Variants in ABCA8 observed in about 807,000 individuals in gnomAD.
ABCA8 encodes the protein ATP binding cassette subfamily A member 8, also known as ABC-type organic anion transporter ABCA8.
A neutral mutation model predicts 192.3 loss-of-function variants in ABCA8; 177 were observed. That is an observed-to-expected ratio of 0.92 (90% confidence interval 0.81 to 1.04). ABCA8 has a LOEUF of 1.04. ABCA8 is among the 50% of genes least tolerant of loss of function. The pLI is 0.00. For synonymous variants in ABCA8, 642 were observed against 690.2 expected, an observed-to-expected ratio of 0.93 and a Z score of 1.09; for missense variants, 1,915 against 1,904.8, an observed-to-expected ratio of 1.01 and a Z score of -0.10.
In ABCA8 at chr17:68,875,724, G is replaced by T. The variant is rs1265368520; in HGVS notation, c.4380C>A (p.Ile1460=). Residue 1460 remains isoleucine (I), a synonymous_variant, in exon 36 of 40, where the codon ATC becomes ATA. Coordinates refer to ENST00000586539, the MANE Select transcript of ABCA8 (RefSeq NM_001288985.2). ...TTTCCGTGTTTCTAAAGGTGGCCCG[G>T]ATGGCCTGCCTATAATGTCAAGAGA... ...PEGQQQMWQA[I]RATFRNTERG... 1.2e-6 allele frequency: 2 copies of T among 1,613,434 alleles called. No homozygotes were observed. Among genetic ancestry groups the T allele is most frequent in the Non-Finnish European group, 1.7e-6 (2 of 1,179,788 alleles).
At chr17:68,953,388 C>T (rs772130532) in intron 1 of ABCA8, among the ~76,000 whole-genome samples, 10 of 152,242 alleles carry the variant, frequency 6.6e-5, no homozygotes, top group Admixed American at 2.6e-4. Flanking sequence ...TGAGCCCCAA[C>T]TGAAGCCATC....
chr17:68,920,176 C>A (rs1253618275), intron 13 of ABCA8, among the ~76,000 whole-genome samples: 3 of 152,068 alleles, frequency 2.0e-5, no homozygotes, highest in Admixed American at 2.0e-4. Flanking sequence ...CATATGTTCT[C>A]ACTTATAAGA....
Position 68,954,359 on chromosome 17 carries a change from T to C in ABCA8, c.-167+860A>G, listed in dbSNP as rs568371904. Among the ~76,000 whole-genome samples the C allele has an allele frequency of 2.6e-5, 4 of 152,206 alleles. No individual in the cohort carries two copies. In the East Asian group the frequency reaches 7.7e-4, roughly 29 times the overall value. ...CTATGGAATCAGCTACAGTCTTAGG[T>C]AGCATGCAAACTCCAGTCTGACTCC... On this transcript the variant is annotated intron_variant, in intron 1 of 39. Transcript: ENST00000586539.
At position 68,885,311 on chromosome 17, in the gene ABCA8, G is replaced by A; in HGVS notation, c.3434C>T (p.Thr1145Ile). The A allele has an allele frequency of 6.2e-7, 1 of 1,609,738 alleles. No individual in the cohort carries two copies. The highest frequency in any genetic ancestry group is 8.5e-7 in the Non-Finnish European group (1 of 1,178,542). Reference protein sequence around the residue: ...GIWSFCFYVVTVFSVAGFAFS... With the variant: ...GIWSFCFYVVIVFSVAGFAFS... Reference sequence around the variant, plus strand: ...CGCAAATCCAGCCACAGAGAATACAGTGACCTAAAAGAAGCAAATATGAAG... The same window carrying A: ...CGCAAATCCAGCCACAGAGAATACAATGACCTAAAAGAAGCAAATATGAAG... Residue 1145 changes from threonine (T) to isoleucine (I), a missense_variant, in exon 27 of 40, where the codon ACT becomes ATT. Physicochemically the swap from Thr to Ile is moderately conservative, Grantham distance 89. Transcript: ENST00000586539.
At chr17:68,874,935 T>A (rs917401057) in intron 37 of ABCA8, among the ~76,000 whole-genome samples, 6 of 152,200 alleles carry the variant, frequency 3.9e-5, no homozygotes, top group South Asian at 2.1e-4. Flanking sequence ...AAGATAATAA[T>A]CAATTTCATT....
intron 26 of ABCA8, among the ~76,000 whole-genome samples, chr17:68,885,556 T>C (rs1431461617): frequency 2.7e-5 from 4 of 147,272 alleles, no homozygotes; most frequent in Non-Finnish European, 4.5e-5. Context: ...TTTTCTCTCT[T>C]TTTTTTTTTG....
chr17:68,930,373 G>T (rs1019587272), intron 7 of ABCA8, among the ~76,000 whole-genome samples: 1 of 152,062 alleles, frequency 6.6e-6, no homozygotes. Flanking sequence ...CTTTAGTTCC[G>T]TTCATTGTTT....
intron 17 of ABCA8, among the ~76,000 whole-genome samples, chr17:68,916,516 T>C (rs1041851235): frequency 2.0e-5 from 3 of 152,206 alleles, no homozygotes; most frequent in Non-Finnish European, 4.4e-5. Flanking sequence ...ACCTACTATA[T>C]ACCCTTTAAA....
chr17:68,946,581 G>T (rs571107804), intron 2 of ABCA8, among the ~76,000 whole-genome samples: 1 of 152,250 alleles, frequency 6.6e-6, no homozygotes, highest in African/African-American at 2.4e-5. Flanking sequence ...AAAGACGGAT[G>T]GAATTCAGTT....
chr17:68,905,226 G>A (rs1382982713), intron 19 of ABCA8, among the ~76,000 whole-genome samples: 4 of 152,124 alleles, frequency 2.6e-5, no homozygotes, highest in Middle Eastern at 3.4e-3. Flanking sequence ...TAACATCCAT[G>A]ATAAAATACA....
chr17:68,881,331 C>A, intron 31 of ABCA8, 120 bp from the exon 32 acceptor site: 1 of 717,026 alleles, frequency 1.4e-6, no homozygotes, highest in Middle Eastern at 3.7e-4. Context: ...ATTGTCACAA[C>A]CACCCTGAGA....
chr17:68,907,647 A>G, intron 18 of ABCA8, 93 bp downstream of exon 18: 1 of 1,168,460 alleles, frequency 8.6e-7, no homozygotes, highest in Non-Finnish European at 1.2e-6. Flanking sequence ...AGCATACTGT[A>G]AGACATTGAT....
intron 2 of ABCA8, among the ~76,000 whole-genome samples, chr17:68,942,639 T>G (rs900596224): frequency 6.6e-6 from 1 of 152,042 alleles, no homozygotes; most frequent in Non-Finnish European, 1.5e-5. Flanking sequence ...GCAAAAGGAG[T>G]GCACTCTAGT....
intron 26 of ABCA8, among the ~76,000 whole-genome samples, chr17:68,886,632 C>T (rs1270092341): frequency 6.6e-6 from 1 of 152,108 alleles, no homozygotes; most frequent in Non-Finnish European, 1.5e-5. Context: ...TTTGAGAGCC[C>T]TTTCAGGATT....
chr17:68,916,859 C>A (rs538181572), intron 17 of ABCA8, among the ~76,000 whole-genome samples: 13 of 152,280 alleles, frequency 8.5e-5, no homozygotes, highest in African/African-American at 3.1e-4. Flanking sequence ...TTTATCTAAA[C>A]TTTTGTTGTT....
intron 1 of ABCA8, among the ~76,000 whole-genome samples, chr17:68,951,794 T>C (rs1264069541): frequency 6.6e-6 from 1 of 152,216 alleles, no homozygotes; most frequent in Non-Finnish European, 1.5e-5. Context: ...TTTGCTGCAT[T>C]TTTAAATATT....
At position 68,868,140 on chromosome 17, in the gene ABCA8, T is replaced by C. The variant is rs759805595; in HGVS notation, c.4811A>G (p.Glu1604Gly). Residue 1604 changes from glutamate (E) to glycine (G), a missense_variant, in exon 40 of 40, where the codon GAG becomes GGG. Transcript: ENST00000586539. ...LSKEQELGDFEEDFDPSVKWK... is the reference protein window; with the variant it reads ...LSKEQELGDFGEDFDPSVKWK... ...CTTCACTGAGGGATCAAAATCCTCCTCAAAATCACCCAGCTCCTGCTCCTT... is the reference window on the plus strand; with the variant it reads ...CTTCACTGAGGGATCAAAATCCTCCCCAAAATCACCCAGCTCCTGCTCCTT... 1.2e-6 allele frequency: 2 copies of C among 1,613,084 alleles called. No homozygotes were observed. Among genetic ancestry groups the C allele is most frequent in the Non-Finnish European group, 1.7e-6 (2 of 1,179,578 alleles).
intron 23 of ABCA8, among the ~76,000 whole-genome samples, chr17:68,892,302 T>C (rs555353104): frequency 1.3e-5 from 2 of 152,136 alleles, no homozygotes; most frequent in African/African-American, 4.8e-5. Context: ...TTGCTAACCA[T>C]AGATGGTAAG....
rs2066624331 is a variant in ABCA8 at position 68,891,582 on chromosome 17, A to G, written c.3051T>C (p.Asn1017=). The G allele has an allele frequency of 6.2e-7, 1 of 1,611,938 alleles. No individual in the cohort carries two copies. Among genetic ancestry groups the G allele is most frequent in the African/African-American group, 1.3e-5 (1 of 74,894 alleles). The change falls in exon 24 of 40, where the codon AAT becomes AAC. Residue 1017 remains asparagine, a synonymous_variant. Coordinates refer to ENST00000586539, the MANE Select transcript of ABCA8 (RefSeq NM_001288985.2). ...RSTFLENGQD[N]PIGFLAYIMF... is the part of the protein sequence containing the mutation. ...TGATATATGCCAGGAATCCGATTGG[A>G]TTGTCCTGTCCATTCTGAAAAACCC...
Sources: gnomAD v4.1 joint callset for allele counts (sites outside exome capture counted in the v4.1 genomes callset) on GRCh38, gnomAD v4.1.1 for gene constraint, MANE v1.5 for transcripts, NCBI Gene and HGNC (gene_info 2026-07-23, HGNC 2026-07-21) for gene names.